Variants in CCDC6 observed in about 807,000 individuals in gnomAD.
CCDC6 encodes the protein coiled-coil domain containing 6.
In CCDC6, 20 loss-of-function variants were observed where a neutral mutation model predicts 56.6. The observed-to-expected ratio is 0.35, with a 90% CI of 0.25 to 0.51. The LOEUF (loss-of-function observed/expected upper bound fraction) is 0.51, where lower values mean the gene tolerates loss of function less well. CCDC6 is among the 20% of genes least tolerant of loss of function. The probability of loss-of-function intolerance (pLI) is 0.95; values close to 1 mark genes in which losing one functional copy is unlikely to be tolerated. For missense variants in CCDC6, 367 were observed against 601.1 expected (o/e 0.61, Z 4.07); for synonymous variants, 241 against 234.4 (o/e 1.03, Z -0.26).
At chr10:59,802,133 AC>A (rs1490877414) in intron 7 of CCDC6, among the ~76,000 whole-genome samples, 3 of 152,198 alleles carry the variant, frequency 2.0e-5, no homozygotes, top group African/African-American at 7.2e-5. Flanking sequence ...TGATGGACAA[AC>A]TGAAAGATAA....
rs1183314006 is a variant in CCDC6 at position 59,862,514 on chromosome 10, TATAC to T, written c.304-9816_304-9813del. Reference sequence around the variant, plus strand: ...AGAAAAAAAAAAGTATATATATATATATACACACACACACACACACACACACACA... The same window carrying T: ...AGAAAAAAAAAAGTATATATATATATACACACACACACACACACACACACA... On this transcript the variant is annotated intron_variant, in intron 1 of 8. Transcript: ENST00000263102. Among the ~76,000 whole-genome samples, 115 of 73,052 alleles carry T rather than the reference TATAC, an allele frequency of 1.6e-3. 1 individual carries two copies. Among genetic ancestry groups the T allele is most frequent in the Middle Eastern group, 7.0e-3 (1 of 142 alleles). The allele number at this position is 73,052 out of a possible 152,430, so 47.9% of individuals were successfully genotyped here. A position where few individuals can be genotyped will look rare whatever the true frequency, so the allele number is the denominator to read the frequency against.
intron 3 of CCDC6, among the ~76,000 whole-genome samples, chr10:59,819,067 T>C (rs536794963): frequency 5.3e-5 from 8 of 152,302 alleles, no homozygotes; most frequent in South Asian, 2.1e-4. Context: ...GCATAACTCA[T>C]ATTTGTTTCA....
chr10:59,849,476 A>C (rs2071020319), intron 2 of CCDC6, among the ~76,000 whole-genome samples: 1 of 152,190 alleles, frequency 6.6e-6, no homozygotes, highest in Non-Finnish European at 1.5e-5. Context: ...TGGATACCCA[A>C]CTTGGCCATA....
At chr10:59,815,637 T>A (rs1000110376) in intron 3 of CCDC6, among the ~76,000 whole-genome samples, 1 of 152,138 alleles carries the variant, frequency 6.6e-6, no homozygotes, top group African/African-American at 2.4e-5. Flanking sequence ...TAGCAATGAG[T>A]AGAGGACATG....
chr10:59,828,185 T>C (rs1222939279), intron 3 of CCDC6, among the ~76,000 whole-genome samples: 1 of 152,300 alleles, frequency 6.6e-6, no homozygotes, highest in African/African-American at 2.4e-5. Flanking sequence ...AAAATGTGAA[T>C]AGCAAATAAG....
chr10:59,853,704 C>T (rs2071057682), intron 1 of CCDC6, among the ~76,000 whole-genome samples: 1 of 151,820 alleles, frequency 6.6e-6, no homozygotes, highest in African/African-American at 2.4e-5. Context: ...GTGAGAGGGG[C>T]TTCATTTTTT....
intron 3 of CCDC6, among the ~76,000 whole-genome samples, chr10:59,832,018 C>G (rs192613636): frequency 3.9e-5 from 6 of 152,346 alleles, no homozygotes; most frequent in Non-Finnish European, 5.9e-5. Flanking sequence ...TACAATCAGT[C>G]AGTGGTTGAC....
chr10:59,796,444 T>A (rs1338535872), intron 7 of CCDC6, among the ~76,000 whole-genome samples: 1 of 151,974 alleles, frequency 6.6e-6, no homozygotes, highest in Non-Finnish European at 1.5e-5. Flanking sequence ...AAAAAAAAGG[T>A]AACAAGTGGT....
At chr10:59,840,679 A>G (rs1420761723) in intron 2 of CCDC6, among the ~76,000 whole-genome samples, 1 of 152,212 alleles carries the variant, frequency 6.6e-6, no homozygotes, top group East Asian at 1.9e-4. Flanking sequence ...TACTCCAAAC[A>G]TACTCCACTT....
chr10:59,789,452 A>C lies in CCDC6; in HGVS notation c.*3465T>G. 4.3e-6 allele frequency: 1 copy of C among 232,446 alleles called. No individual in the cohort carries two copies. 14.4% of individuals were successfully genotyped at this position (232,446 alleles called of 1,614,324 possible). On this transcript the variant is annotated 3_prime_UTR_variant, in exon 9 of 9. Transcript: ENST00000263102. The stretch of plus-strand genomic sequence containing the variant: ...TTAATCAAAAAATTAAAGAAGAAAA[A>C]AAAACCCTAAAAAACAAAGAAAAAA...
At chr10:59,806,800 A>G (rs2070628962) in intron 6 of CCDC6, 122 bp downstream of exon 6, 2 of 764,790 alleles carry the variant, frequency 2.6e-6, no homozygotes, top group Non-Finnish European at 4.1e-6. Flanking sequence ...GGCATTCATT[A>G]GCACAATAAA....
At chr10:59,846,494 G>A (rs911361757) in intron 2 of CCDC6, among the ~76,000 whole-genome samples, 3 of 152,124 alleles carry the variant, frequency 2.0e-5, no homozygotes, top group Non-Finnish European at 2.9e-5. Flanking sequence ...GTTCCAGGAA[G>A]CATTCTTACC....
chr10:59,843,097 A>G (rs1397902513), intron 2 of CCDC6, among the ~76,000 whole-genome samples: 1 of 152,158 alleles, frequency 6.6e-6, no homozygotes, highest in Non-Finnish European at 1.5e-5. Flanking sequence ...CGTGTTAGCC[A>G]GGATGGTCTC....
chr10:59,810,511 A>G (rs2070663813), intron 5 of CCDC6, among the ~76,000 whole-genome samples: 1 of 152,118 alleles, frequency 6.6e-6, no homozygotes, highest in African/African-American at 2.4e-5. Flanking sequence ...ATGCAAACTG[A>G]CAGCACGGGA....
chr10:59,889,058 C>T (rs544078982), intron 1 of CCDC6, among the ~76,000 whole-genome samples: 12 of 152,192 alleles, frequency 7.9e-5, no homozygotes, highest in Middle Eastern at 6.8e-3. Flanking sequence ...GACCCACGCA[C>T]GCTTCACCCA....
At chr10:59,881,819 G>T (rs1364176677) in intron 1 of CCDC6, among the ~76,000 whole-genome samples, 1 of 152,218 alleles carries the variant, frequency 6.6e-6, no homozygotes, top group Non-Finnish European at 1.5e-5. Context: ...AGGGGACAAT[G>T]TGTGATAGGG....
In CCDC6 at chr10:59,814,702, T is replaced by C. The variant is rs200845619; in HGVS notation, c.636A>G (p.Ala212=). ...TCCTTTTCCAGAGGCGATTAACTAG[T>C]GCTTCTTGTTCTTGTTCCAATGTAT... ...LENTLEQEQE[A]LVNRLWKRMD... The change falls in exon 4 of 9, where the codon GCA becomes GCG. Residue 212 remains alanine (A), a synonymous_variant. Transcript: ENST00000263102. The C allele has an allele frequency of 4.5e-5, 72 of 1,613,600 alleles. No individual in the cohort carries two copies. In the Admixed American group the frequency reaches 6.5e-4, roughly 15 times the overall value.
intron 3 of CCDC6, among the ~76,000 whole-genome samples, chr10:59,830,572 T>C (rs117622905): frequency 6.6e-6 from 1 of 152,362 alleles, no homozygotes; most frequent in Non-Finnish European, 1.5e-5. Context: ...ACTTCTAGAA[T>C]GGGCTTTGCA....
At chr10:59,854,220 C>T (rs956346813) in intron 1 of CCDC6, among the ~76,000 whole-genome samples, 3 of 152,096 alleles carry the variant, frequency 2.0e-5, no homozygotes, top group Non-Finnish European at 4.4e-5. Context: ...CTGGCAGTTT[C>T]GATTTCTGTA....
Sources: allele counts gnomAD v4.1 joint callset (sites outside exome capture counted in the v4.1 genomes callset), GRCh38; gene constraint gnomAD v4.1.1; transcripts MANE v1.5; gene names NCBI Gene and HGNC (gene_info 2026-07-23, HGNC 2026-07-21).